Variants in RIMBP2 observed in about 807,000 individuals in gnomAD.
RIMBP2 encodes the protein RIMS binding protein 2, also known as RIMS-binding protein 2.
RIMBP2 carries 48 observed loss-of-function variants against 118.6 expected under a neutral mutation model. The observed-to-expected ratio is 0.40, with a 90% CI of 0.32 to 0.51. RIMBP2 has a LOEUF of 0.51. RIMBP2 is among the 20% of genes least tolerant of loss of function. The pLI is 0.41. For missense variants in RIMBP2, 1,551 were observed against 1,768.3 expected (o/e 0.88, Z 2.20); for synonymous variants, 762 against 742.9 (o/e 1.03, Z -0.42).
At chr12:130,582,343 T>A (rs1277596513) in intron 2 of RIMBP2, among the ~76,000 whole-genome samples, 1 of 152,216 alleles carries the variant, frequency 6.6e-6, no homozygotes, top group Non-Finnish European at 1.5e-5. Flanking sequence ...CTTGTTTCCT[T>A]CATTTCAAAG....
In RIMBP2 at chr12:130,407,278, C is replaced by T. The variant is rs556666141; in HGVS notation, c.3693+448G>A. Among the ~76,000 whole-genome samples the T allele has an allele frequency of 2.0e-5, 3 of 152,324 alleles. No homozygotes were observed. The East Asian group carries it at 5.8e-4, about 29-fold the overall frequency. ...TTCTGAAGGCAGTGGTTTCAGCCTT[C>T]AAGACACCAGGCATCCCAAGCTGTG... On this transcript the variant is annotated intron_variant, in intron 20 of 22. Transcript: ENST00000690449.
In RIMBP2 at chr12:130,647,293, G is replaced by A. The variant is rs191237119; in HGVS notation, c.-351-18837C>T. On this transcript the variant is annotated intron_variant, in intron 1 of 22. Transcript: ENST00000690449. Reference sequence around the variant, plus strand: ...CAGGAGACTCTCTTGAACCCGGGGGGTGGAGGTTGCAGTGAGCTGAGATCG... The same window carrying A: ...CAGGAGACTCTCTTGAACCCGGGGGATGGAGGTTGCAGTGAGCTGAGATCG... Among the ~76,000 whole-genome samples the A allele has an allele frequency of 4.7e-3, 714 of 152,284 alleles. 1 individual carries two copies. The highest frequency in any genetic ancestry group is 8.3e-3 in the Non-Finnish European group (564 of 68,022).
At chr12:130,510,181 G>A (rs757492499) in intron 3 of RIMBP2, among the ~76,000 whole-genome samples, 1 of 152,206 alleles carries the variant, frequency 6.6e-6, no homozygotes, top group Non-Finnish European at 1.5e-5. Flanking sequence ...CCACAGGTGT[G>A]TTACAAACGG....
intron 1 of RIMBP2, among the ~76,000 whole-genome samples, chr12:130,638,416 T>TCCCGAAGC (rs772256002): frequency 1.3e-5 from 2 of 152,088 alleles, no homozygotes; most frequent in Non-Finnish European, 2.9e-5. Context: ...TCTATCGGGG[T>TCCCGAAGC]CCCGAAGCCC....
intron 4 of RIMBP2, among the ~76,000 whole-genome samples, chr12:130,501,653 A>C (rs1247249789): frequency 2.0e-5 from 3 of 152,232 alleles, no homozygotes; most frequent in African/African-American, 7.2e-5. Context: ...CATGTAATTA[A>C]AACCTGGTTT....
chr12:130,595,794 G>A (rs1944684142), intron 2 of RIMBP2, among the ~76,000 whole-genome samples: 2 of 152,154 alleles, frequency 1.3e-5, no homozygotes, highest in Non-Finnish European at 2.9e-5. Flanking sequence ...AGGGAGCAGG[G>A]GAGAGTGCAG....
chr12:130,662,526 T>C (rs1417715319), intron 1 of RIMBP2, among the ~76,000 whole-genome samples: 1 of 151,992 alleles, frequency 6.6e-6, no homozygotes, highest in Admixed American at 6.6e-5. Context: ...CATGGTGGTG[T>C]GTGCCTGTAA....
At chr12:130,515,019 G>A (rs1373191580) in intron 3 of RIMBP2, among the ~76,000 whole-genome samples, 1 of 152,104 alleles carries the variant, frequency 6.6e-6, no homozygotes, top group Non-Finnish European at 1.5e-5. Flanking sequence ...TGGGACTACA[G>A]GCACCGGCCA....
intron 1 of RIMBP2, among the ~76,000 whole-genome samples, chr12:130,641,625 T>C (rs1453826743): frequency 6.6e-6 from 1 of 152,216 alleles, no homozygotes; most frequent in Non-Finnish European, 1.5e-5. Flanking sequence ...CCCTCATTAG[T>C]GCCTGGGAAT....
intron 1 of RIMBP2, among the ~76,000 whole-genome samples, chr12:130,691,114 A>T (rs1217462229): frequency 6.6e-6 from 1 of 152,066 alleles, no homozygotes; most frequent in African/African-American, 2.4e-5. Context: ...GCGGGATGAG[A>T]TGTAAAGGGA....
rs77157238 is a variant in RIMBP2, at chr12:130,621,109, C to A, written c.-217+7213G>T. 5.5e-4 allele frequency among the ~76,000 whole-genome samples: 83 copies of A among 152,190 alleles called. No homozygotes were observed. Among genetic ancestry groups the A allele is most frequent in the African/African-American group, 1.9e-3 (79 of 41,514 alleles). On this transcript the variant is annotated intron_variant, in intron 2 of 22. Transcript: ENST00000690449. The surrounding 1 kb of genome is among the most constrained non-coding windows in gnomAD (Gnocchi z 6.6). Reference sequence around the variant, plus strand: ...GGGTGGGTTCATTTTTTTACCAGCACCCTGGGAGCTGGTCATTCCTACGTG... The same window carrying A: ...GGGTGGGTTCATTTTTTTACCAGCAACCTGGGAGCTGGTCATTCCTACGTG...
chr12:130,478,704 C>T (rs1314305719), intron 5 of RIMBP2, among the ~76,000 whole-genome samples: 1 of 152,236 alleles, frequency 6.6e-6, no homozygotes, highest in East Asian at 1.9e-4. Context: ...TTTGCATCTG[C>T]TTTCGCGTTA....
Position 130,623,220 on chromosome 12 carries a change from A to G in RIMBP2, c.-217+5102T>C, listed in dbSNP as rs559613781. Among the ~76,000 whole-genome samples, 13 of 152,304 alleles carry G rather than the reference A, an allele frequency of 8.5e-5. No individual in the cohort carries two copies. Among genetic ancestry groups the G allele is most frequent in the African/African-American group, 2.2e-4 (9 of 41,568 alleles). On this transcript the variant is annotated intron_variant, in intron 2 of 22. Transcript: ENST00000690449. The surrounding 1 kb of genome is among the most constrained non-coding windows in gnomAD (Gnocchi z 4.1). ...CATGTATTCCCCTTTAGCTTTTTCTATATATTTCAACACTTATACAAATAG... is the reference window on the plus strand; with the variant it reads ...CATGTATTCCCCTTTAGCTTTTTCTGTATATTTCAACACTTATACAAATAG...
chr12:130,479,559 G>C (rs1159591471), intron 4 of RIMBP2, among the ~76,000 whole-genome samples: 1 of 152,044 alleles, frequency 6.6e-6, no homozygotes, highest in Admixed American at 6.5e-5. Flanking sequence ...GGAAGTGGAC[G>C]CCTGTTCAGA....
At position 130,440,899 on chromosome 12, in the gene RIMBP2, C is replaced by T. The variant is rs563111821; in HGVS notation, c.1504+949G>A. Among the ~76,000 whole-genome samples the T allele has an allele frequency of 2.0e-5, 3 of 152,222 alleles. No homozygotes were observed. The Middle Eastern group carries it at 0.01, about 518-fold the overall frequency. On this transcript the variant is annotated intron_variant, in intron 11 of 22. Coordinates refer to ENST00000690449, the MANE Select transcript of RIMBP2 (RefSeq NM_001393629.1). ...AGGCTTCCGGAGGTGGGGGTGCTGG[C>T]TGCCCAGTAACTCAGCAGCACTGGG...
intron 2 of RIMBP2, among the ~76,000 whole-genome samples, chr12:130,606,786 A>G (rs2060216680): frequency 6.6e-6 from 1 of 152,128 alleles, no homozygotes; most frequent in South Asian, 2.1e-4. Flanking sequence ...GTCAAAAATA[A>G]TGCAAAATGT....
chr12:130,675,902 C>A (rs1318415211), intron 1 of RIMBP2, among the ~76,000 whole-genome samples: 1 of 152,228 alleles, frequency 6.6e-6, no homozygotes, highest in Non-Finnish European at 1.5e-5. Context: ...CAATTCTAAG[C>A]CCCTAAGGTG....
chr12:130,684,173 T>A (rs939143535), intron 1 of RIMBP2, among the ~76,000 whole-genome samples: 4 of 152,210 alleles, frequency 2.6e-5, no homozygotes, highest in African/African-American at 9.6e-5. Context: ...GGTCTTCAGA[T>A]GAACTCATTC....
At chr12:130,474,143 A>G (rs142643599) in intron 5 of RIMBP2, among the ~76,000 whole-genome samples, 1,737 of 152,282 alleles carry the variant, frequency 0.011, 32 homozygotes, top group African/African-American at 0.039. Flanking sequence ...TCACCTGGAG[A>G]GGAAGCCTCA....
Sources: allele counts gnomAD v4.1 joint callset (sites outside exome capture counted in the v4.1 genomes callset), GRCh38; gene constraint gnomAD v4.1.1; non-coding constraint Gnocchi (gnomAD v3.1); transcripts MANE v1.5; gene names NCBI Gene and HGNC (gene_info 2026-07-23, HGNC 2026-07-21).